The following ADAM28 variants were observed in gnomAD, a reference collection of about 807,000 sequenced individuals.
The protein encoded by ADAM28 is ADAM metallopeptidase domain 28, also known as disintegrin and metalloproteinase domain-containing protein 28.
In ADAM28, 105 loss-of-function variants were observed where a neutral mutation model predicts 101.2. The observed-to-expected ratio is 1.04, with a 90% CI of 0.89 to 1.22. The LOEUF (loss-of-function observed/expected upper bound fraction) is 1.22. Among genes scored for constraint, ADAM28 ranks in the 50% most tolerant of loss-of-function variants. The probability of loss-of-function intolerance (pLI) is 0.00; values close to 1 mark genes in which losing one functional copy is unlikely to be tolerated. For synonymous variants in ADAM28, 322 were observed against 310.6 expected (o/e 1.04, Z -0.39); for missense variants, 1,028 against 945.4 (o/e 1.09, Z -1.15).
At chr8:24,327,506 T>C (rs571383625) in intron 10 of ADAM28, among the ~76,000 whole-genome samples, 6 of 152,098 alleles carry the variant, frequency 3.9e-5, no homozygotes, top group Admixed American at 3.9e-4. Flanking sequence ...ATCATACAAT[T>C]GACTTTCTTC....
At chr8:24,335,327 A>G in intron 13 of ADAM28, 119 bp from the exon 14 acceptor site, 4 of 1,424,326 alleles carry the variant, frequency 2.8e-6, no homozygotes, top group Non-Finnish European at 2.8e-6. Context: ...CTTCAGTGAA[A>G]TGACACCTCC....
intron 9 of ADAM28, among the ~76,000 whole-genome samples, chr8:24,324,210 T>C (rs1006465287): frequency 6.6e-6 from 1 of 151,952 alleles, no homozygotes; most frequent in African/African-American, 2.4e-5. Context: ...TTATAAAATG[T>C]TTGTTTTTAT....
intron 2 of ADAM28, among the ~76,000 whole-genome samples, chr8:24,306,052 C>T (rs545865967): frequency 5.9e-5 from 9 of 152,008 alleles, no homozygotes; most frequent in Non-Finnish European, 1.0e-4. Context: ...GAATTTCAGA[C>T]AAACAGTAAA....
chr8:24,294,370 C>CAAAG (rs1223807115), intron 1 of ADAM28, among the ~76,000 whole-genome samples, 175 bp downstream of exon 1: 2 of 152,106 alleles, frequency 1.3e-5, no homozygotes, highest in African/African-American at 4.8e-5. Flanking sequence ...GCGAGTGATA[C>CAAAG]AAAGACAATG....
chr8:24,320,081 A>G (rs1811667375), intron 6 of ADAM28, among the ~76,000 whole-genome samples, 155 bp from the exon 7 acceptor site: 1 of 151,968 alleles, frequency 6.6e-6, no homozygotes, highest in Non-Finnish European at 1.5e-5. Flanking sequence ...TTGTCAGTAG[A>G]TAATCCTGTC....
At chr8:24,337,753 T>C (rs1400126077) in intron 14 of ADAM28, among the ~76,000 whole-genome samples, 1 of 152,222 alleles carries the variant, frequency 6.6e-6, no homozygotes, top group African/African-American at 2.4e-5. Flanking sequence ...TGAAAAGTCT[T>C]GCAACTTTGT....
At position 24,341,733 on chromosome 8, in the gene ADAM28, T is replaced by C. The variant is rs761912320; in HGVS notation, c.1806T>C (p.Asn602=). ...DTSQEIGMVA[N]GTKCGDNKVC... is the part of the protein sequence containing the mutation. ...GTCAAGAAATAGGCATGGTGGCCAATGGAACTAAGTGTGGCGATAACAAGG... is the reference window on the plus strand; with the variant it reads ...GTCAAGAAATAGGCATGGTGGCCAACGGAACTAAGTGTGGCGATAACAAGG... Residue 602 remains asparagine, a synonymous_variant, in exon 16 of 23, where the codon AAT becomes AAC. Transcript: ENST00000265769. 3.1e-6 allele frequency: 5 copies of C among 1,613,632 alleles called. No homozygotes were observed. Among genetic ancestry groups the C allele is most frequent in the Admixed American group, 3.3e-5 (2 of 59,960 alleles).
At position 24,311,557 on chromosome 8, in the gene ADAM28, G is replaced by A. The variant is rs867544614; in HGVS notation, c.383+120G>A. The A allele has an allele frequency of 1.1e-5, 7 of 649,570 alleles. No individual in the cohort carries two copies. The Middle Eastern group carries it at 1.7e-3, about 155-fold the overall frequency. The allele number at this position is 649,570 out of a possible 1,614,324, so 40.2% of individuals were successfully genotyped here. A position where few individuals can be genotyped will look rare whatever the true frequency, so the allele number is the denominator to read the frequency against. ...ATATAGTTGAATATAAATCATAAGG[G>A]CCATAACATTTTGAAATTTGAAGAA... On this transcript the variant is annotated intron_variant, in intron 5 of 22. Transcript: ENST00000265769.
At chr8:24,325,574 T>C (rs143895389) in intron 9 of ADAM28, among the ~76,000 whole-genome samples, 1,680 of 151,912 alleles carry the variant, frequency 0.011, 10 homozygotes, top group Middle Eastern at 0.024. Flanking sequence ...GTGATATAAT[T>C]TTAAAAGAGA....
intron 13 of ADAM28, among the ~76,000 whole-genome samples, chr8:24,333,253 A>T (rs1039383931): frequency 4.6e-5 from 7 of 152,192 alleles, no homozygotes; most frequent in South Asian, 2.1e-4. Flanking sequence ...GTACAACATG[A>T]CTATAGGTAC....
chr8:24,316,177 C>G (rs1811137236), intron 6 of ADAM28, among the ~76,000 whole-genome samples: 1 of 151,756 alleles, frequency 6.6e-6, no homozygotes, highest in Admixed American at 6.6e-5. Context: ...TGTAAACATT[C>G]TATAGCAGCT....
intron 6 of ADAM28, among the ~76,000 whole-genome samples, chr8:24,319,562 T>A (rs2129284394): frequency 6.6e-6 from 1 of 152,146 alleles, no homozygotes; most frequent in South Asian, 2.1e-4. Flanking sequence ...GAACTTTAGT[T>A]ACCTATTAAA....
intron 2 of ADAM28, among the ~76,000 whole-genome samples, chr8:24,307,783 AC>A (rs933987477): frequency 1.2e-4 from 18 of 152,122 alleles, no homozygotes; most frequent in African/African-American, 4.3e-4. Context: ...AGAGGCCCAA[AC>A]CATCTTGGTA....
At position 24,324,120 on chromosome 8, in the gene ADAM28, G is replaced by C. The variant is rs186926908; in HGVS notation, c.890+117G>C. 456 of 836,266 alleles carry C rather than the reference G, an allele frequency of 5.5e-4. 2 individuals are homozygous for C. The African/African-American group carries it at 6.8e-3, about 12-fold the overall frequency. 51.8% of individuals were successfully genotyped at this position (836,266 alleles called of 1,614,324 possible). Reference sequence around the variant, plus strand: ...TAGACATTTATAGAGCACTTACTTGGATTATATGTCAAATATGCTCTTATT... The same window carrying C: ...TAGACATTTATAGAGCACTTACTTGCATTATATGTCAAATATGCTCTTATT... On this transcript the variant is annotated intron_variant, in intron 9 of 22. Coordinates refer to ENST00000265769, the MANE Select transcript of ADAM28 (RefSeq NM_014265.6).
chr8:24,320,178 T>C (rs1811679529), intron 6 of ADAM28, 58 bp from the exon 7 acceptor site: 4 of 1,261,614 alleles, frequency 3.2e-6, no homozygotes, highest in African/African-American at 1.5e-5. Flanking sequence ...TGTCAAATAA[T>C]AGAAGAACTT....
chr8:24,308,603 T>A (rs1810023082), intron 2 of ADAM28: 5 of 456,226 alleles, frequency 1.1e-5, no homozygotes, highest in African/African-American at 6.0e-5. Context: ...ATGACTATTC[T>A]GCATAACTTT....
intron 2 of ADAM28, among the ~76,000 whole-genome samples, chr8:24,303,937 GATTA>G (rs1228673262): frequency 6.6e-6 from 1 of 151,878 alleles, no homozygotes; most frequent in African/African-American, 2.4e-5. Flanking sequence ...CTAAACCAAT[GATTA>G]ATTGTGTCCT....
chr8:24,320,606 T>G (rs1432372807), intron 7 of ADAM28, among the ~76,000 whole-genome samples: 1 of 152,000 alleles, frequency 6.6e-6, no homozygotes, highest in East Asian at 1.9e-4. Flanking sequence ...TCATTTTGTC[T>G]TTTGTTAAGT....
chr8:24,310,648 C>A (rs1281613687), intron 4 of ADAM28, among the ~76,000 whole-genome samples: 3 of 152,154 alleles, frequency 2.0e-5, no homozygotes, highest in African/African-American at 4.8e-5. Context: ...TACTGCTATT[C>A]ATAGCCCATC....
Sources: allele counts gnomAD v4.1 joint callset (sites outside exome capture counted in the v4.1 genomes callset), GRCh38; gene constraint gnomAD v4.1.1; transcripts MANE v1.5; gene names NCBI Gene and HGNC (gene_info 2026-07-23, HGNC 2026-07-21).